TMEM178B: variants seen among roughly 807,000 people sequenced by gnomAD.
The protein encoded by TMEM178B is transmembrane protein 178B.
A neutral mutation model predicts 31.0 loss-of-function variants in TMEM178B; 5 were observed. The ratio of observed to expected loss-of-function variants is 0.16; its 90% CI spans 0.08 to 0.34. The LOEUF (loss-of-function observed/expected upper bound fraction) is 0.34, where lower values mean the gene tolerates loss of function less well. Ranked by LOEUF, TMEM178B falls within the 10% of genes least tolerant of loss-of-function variation. The probability of loss-of-function intolerance (pLI) is 1.00; values close to 1 mark genes in which losing one functional copy is unlikely to be tolerated. For synonymous variants in TMEM178B, 164 were observed against 164.0 expected (o/e 1.00, Z 0.00); for missense variants, 275 against 400.3 (o/e 0.69, Z 2.67).
chr7:141,091,496 C>A (rs1426819842), intron 1 of TMEM178B, among the ~76,000 whole-genome samples: 4 of 152,094 alleles, frequency 2.6e-5, no homozygotes, highest in African/African-American at 7.2e-5. Flanking sequence ...ATGCCTGTAT[C>A]AGCTTTTATT....
At chr7:141,118,032 A>G (rs1795348664) in intron 1 of TMEM178B, among the ~76,000 whole-genome samples, 1 of 152,110 alleles carries the variant, frequency 6.6e-6, no homozygotes, top group African/African-American at 2.4e-5. Context: ...ATGTTACATT[A>G]TTTGCTATCC....
intron 1 of TMEM178B, among the ~76,000 whole-genome samples, chr7:141,154,901 T>G (rs773976047): frequency 6.6e-6 from 1 of 152,102 alleles, no homozygotes; most frequent in Non-Finnish European, 1.5e-5. Flanking sequence ...AATTATTGTA[T>G]TTTTAGTAGA....
At chr7:141,507,436 G>A in the TMEM178B span, among the ~76,000 whole-genome samples, 7 of 152,064 alleles carry the variant, frequency 4.6e-5, no homozygotes, top group African/African-American at 9.7e-5. Context: ...GCAGTGGCAC[G>A]ATCTTGGCTC....
At chr7:141,507,374 T>A in the TMEM178B span, among the ~76,000 whole-genome samples, 11 of 152,118 alleles carry the variant, frequency 7.2e-5, no homozygotes, top group South Asian at 1.9e-3. Context: ...TTCCCAAACC[T>A]CAACTCTTTT....
Position 141,171,477 on chromosome 7 carries a change from G to A in TMEM178B, c.383-41114G>A, listed in dbSNP as rs535866076. Among the ~76,000 whole-genome samples, 1 of 152,296 alleles carries A rather than the reference G, an allele frequency of 6.6e-6. No homozygotes were observed. Among genetic ancestry groups the A allele is most frequent in the South Asian group, 2.1e-4 (1 of 4,822 alleles). The stretch of plus-strand genomic sequence containing the variant: ...CACAATCACTTAGCTGGCAAGTGAT[G>A]GAGACAGAATTAGAACTCAGGTCTT... On this transcript the variant is annotated intron_variant, in intron 1 of 3. Coordinates refer to ENST00000565468, the MANE Select transcript of TMEM178B (RefSeq NM_001195278.2). The surrounding 1 kb of genome is among the most constrained non-coding windows in gnomAD (Gnocchi z 4.3).
At chr7:141,242,177 G>C (rs559942211) in intron 2 of TMEM178B, among the ~76,000 whole-genome samples, 49 of 150,954 alleles carry the variant, frequency 3.2e-4, no homozygotes, top group African/African-American at 1.2e-3. Context: ...CTTTGAAGCA[G>C]ATTGACTTTG....
intron 2 of TMEM178B, among the ~76,000 whole-genome samples, chr7:141,431,616 C>G (rs749880047): frequency 6.6e-6 from 1 of 152,220 alleles, no homozygotes; most frequent in Non-Finnish European, 1.5e-5. Flanking sequence ...GGAGATTTTT[C>G]TCTATCTTGG....
intron 2 of TMEM178B, among the ~76,000 whole-genome samples, chr7:141,230,931 G>T (rs961819303): frequency 3.3e-5 from 5 of 152,098 alleles, no homozygotes; most frequent in African/African-American, 1.2e-4. Context: ...CAAATTCCTG[G>T]CCTCAAGTGA....
At chr7:141,281,324 C>A (rs1487811684) in intron 2 of TMEM178B, among the ~76,000 whole-genome samples, 2 of 151,542 alleles carry the variant, frequency 1.3e-5, no homozygotes, top group Non-Finnish European at 2.9e-5. Flanking sequence ...TTTTTTTTTC[C>A]TCCTGAAAGC....
chr7:141,216,529 T>C (rs370554175), intron 2 of TMEM178B, among the ~76,000 whole-genome samples: 2 of 146,286 alleles, frequency 1.4e-5, no homozygotes, highest in African/African-American at 5.0e-5. Flanking sequence ...AAATGCTGAG[T>C]TGTCCAGGTG....
chr7:141,436,125 A>T (rs1210941020), intron 2 of TMEM178B, among the ~76,000 whole-genome samples: 2 of 152,144 alleles, frequency 1.3e-5, no homozygotes, highest in African/African-American at 4.8e-5. Context: ...ACTGCACCAT[A>T]TGTCTTTTTG....
intron 1 of TMEM178B, among the ~76,000 whole-genome samples, chr7:141,163,512 A>ATT (rs11352984): frequency 2.9e-4 from 41 of 139,876 alleles, no homozygotes; most frequent in African/African-American, 4.0e-4. Flanking sequence ...GCAAACAGCA[A>ATT]TTTTTTTTTT....
intron 1 of TMEM178B, among the ~76,000 whole-genome samples, chr7:141,122,473 G>A (rs1322135101): frequency 1.3e-5 from 2 of 152,162 alleles, no homozygotes; most frequent in Non-Finnish European, 2.9e-5. Flanking sequence ...GCGTCTTAAG[G>A]ACACAAGATT....
intron 2 of TMEM178B, among the ~76,000 whole-genome samples, chr7:141,341,534 T>A (rs1437633961): frequency 6.6e-6 from 1 of 152,202 alleles, no homozygotes; most frequent in African/African-American, 2.4e-5. Context: ...GGAAGTGTGC[T>A]GATTTCAGCT....
chr7:141,123,157 A>G (rs1178903843), intron 1 of TMEM178B, among the ~76,000 whole-genome samples: 1 of 152,216 alleles, frequency 6.6e-6, no homozygotes, highest in African/African-American at 2.4e-5. Flanking sequence ...TTGATGCTGT[A>G]TCAAGGATAC....
chr7:141,279,193 A>G (rs1197944097), intron 2 of TMEM178B, among the ~76,000 whole-genome samples: 1 of 152,142 alleles, frequency 6.6e-6, no homozygotes, highest in African/African-American at 2.4e-5. Flanking sequence ...GGGCTGGTCT[A>G]TGAGGCCATT....
chr7:141,241,906 T>G (rs1456117375), intron 2 of TMEM178B, among the ~76,000 whole-genome samples: 1 of 152,182 alleles, frequency 6.6e-6, no homozygotes, highest in Admixed American at 6.5e-5. Flanking sequence ...TATCGAGAGA[T>G]CTTTTTTTTT....
intron 2 of TMEM178B, among the ~76,000 whole-genome samples, chr7:141,416,683 G>T (rs1241276362): frequency 6.6e-6 from 1 of 152,168 alleles, no homozygotes; most frequent in Non-Finnish European, 1.5e-5. Flanking sequence ...ATCTGCCAAT[G>T]ACCTTGGCCT....
chr7:141,091,781 G>C (rs1304348496), intron 1 of TMEM178B, among the ~76,000 whole-genome samples: 1 of 152,210 alleles, frequency 6.6e-6, no homozygotes, highest in African/African-American at 2.4e-5. Flanking sequence ...AGGCTGGAGT[G>C]CAGCAGCGTG....
Sources: allele counts gnomAD v4.1 joint callset (sites outside exome capture counted in the v4.1 genomes callset), GRCh38; gene constraint gnomAD v4.1.1; non-coding constraint Gnocchi (gnomAD v3.1); transcripts MANE v1.5; gene names NCBI Gene and HGNC (gene_info 2026-07-23, HGNC 2026-07-21).